SASH1: variants seen among roughly 807,000 people sequenced by gnomAD.
SASH1 encodes the protein SAM and SH3 domain-containing protein 1.
In SASH1, 44 loss-of-function variants were observed where a neutral mutation model predicts 125.2. That is an observed-to-expected ratio of 0.35 (90% CI 0.28 to 0.45). The LOEUF is 0.45. SASH1 is among the 20% of genes least tolerant of loss of function. SASH1 has a pLI of 1.00. For synonymous variants in SASH1, 639 were observed against 649.1 expected (o/e 0.98, Z 0.24); for missense variants, 1,426 against 1,614.5 (o/e 0.88, Z 2.00).
the SASH1 span, among the ~76,000 whole-genome samples, chr6:148,262,114 A>G: frequency 1.3e-5 from 2 of 151,890 alleles, no homozygotes; most frequent in Non-Finnish European, 2.9e-5. Context: ...ACACACACAC[A>G]CACACGCACG....
the SASH1 span, among the ~76,000 whole-genome samples, chr6:148,254,975 A>G: frequency 2.0e-5 from 3 of 152,242 alleles, no homozygotes; most frequent in African/African-American, 7.2e-5. Flanking sequence ...TAAATGATGA[A>G]TGGATAAACC....
intron 10 of SASH1, among the ~76,000 whole-genome samples, chr6:148,521,532 G>A (rs977047386): frequency 6.6e-6 from 1 of 152,172 alleles, no homozygotes; most frequent in African/African-American, 2.4e-5. Context: ...ATTTCCACAT[G>A]TTGACTTTCC....
chr6:148,195,156 C>T, the SASH1 span, among the ~76,000 whole-genome samples: 2 of 152,210 alleles, frequency 1.3e-5, no homozygotes, highest in South Asian at 2.1e-4. Context: ...ATTCTGGAAA[C>T]TCAATCATTT....
intron 1 of SASH1, among the ~76,000 whole-genome samples, chr6:148,365,410 A>ATG (rs1782409303): frequency 1.5e-5 from 2 of 133,288 alleles, no homozygotes; most frequent in African/African-American, 5.9e-5. Flanking sequence ...TTCTTTTACT[A>ATG]TCTTTTTTTT....
At chr6:148,321,167 A>G (rs1040825857) in intron 1 of SASH1, among the ~76,000 whole-genome samples, 2 of 152,196 alleles carry the variant, frequency 1.3e-5, no homozygotes, top group African/African-American at 4.8e-5. Context: ...CAAGGCAGGC[A>G]GATCACTTGA....
intron 2 of SASH1, among the ~76,000 whole-genome samples, chr6:148,430,672 G>T (rs1776023585): frequency 6.6e-6 from 1 of 152,204 alleles, no homozygotes. Flanking sequence ...CACAGAAGCA[G>T]TGAGTTTCTC....
chr6:148,457,261 T>C (rs1414859025), intron 4 of SASH1, among the ~76,000 whole-genome samples: 1 of 143,028 alleles, frequency 7.0e-6, no homozygotes, highest in Non-Finnish European at 1.5e-5. Flanking sequence ...AGCCGCAGAC[T>C]CCAGGGGCAG....
intron 1 of SASH1, among the ~76,000 whole-genome samples, chr6:148,377,211 C>T (rs9498021): frequency 1.7e-5 from 1 of 57,270 alleles, no homozygotes; most frequent in Non-Finnish European, 3.7e-5. Flanking sequence ...AAAAACAAAA[C>T]AAACAAACAA....
At chr6:148,198,861 G>C in the SASH1 span, among the ~76,000 whole-genome samples, 1 of 152,196 alleles carries the variant, frequency 6.6e-6, no homozygotes, top group Non-Finnish European at 1.5e-5. Context: ...AGAATCAAAA[G>C]ATGACAATTA....
intron 2 of SASH1, among the ~76,000 whole-genome samples, chr6:148,397,934 C>T (rs904014521): frequency 2.5e-4 from 38 of 152,206 alleles, no homozygotes; most frequent in African/African-American, 7.5e-4. Flanking sequence ...ATACTCTTAC[C>T]GTGCTGTGCA....
At chr6:148,431,763 G>A (rs112858444) in intron 2 of SASH1, among the ~76,000 whole-genome samples, 150 of 151,920 alleles carry the variant, frequency 9.9e-4, no homozygotes, top group Non-Finnish European at 4.7e-4. Context: ...TGGAGTCAAC[G>A]CTTGGACTCC....
intron 2 of SASH1, among the ~76,000 whole-genome samples, chr6:148,404,151 G>C (rs1784283305): frequency 6.6e-6 from 1 of 152,006 alleles, no homozygotes; most frequent in African/African-American, 2.4e-5. Context: ...TTACACTCTT[G>C]GGTTTTAAAA....
chr6:148,327,530 G>A (rs552014720), intron 1 of SASH1, among the ~76,000 whole-genome samples: 7 of 150,738 alleles, frequency 4.6e-5, no homozygotes, highest in Admixed American at 6.6e-5. Flanking sequence ...TGATCCACCC[G>A]CCTTGGCCTC....
intron 2 of SASH1, among the ~76,000 whole-genome samples, chr6:148,415,719 G>C (rs191504172): frequency 1.5e-4 from 23 of 152,150 alleles, no homozygotes; most frequent in African/African-American, 5.3e-4. Flanking sequence ...AAAGGTCACC[G>C]CAGAGCCATC....
chr6:148,492,625 C>A (rs1326671339), intron 8 of SASH1, among the ~76,000 whole-genome samples: 1 of 151,936 alleles, frequency 6.6e-6, no homozygotes, highest in African/African-American at 2.4e-5. Context: ...CAAGACCATC[C>A]AGGCCAACAT....
At chr6:148,472,810 T>C (rs1778178448) in intron 6 of SASH1, among the ~76,000 whole-genome samples, 1 of 152,202 alleles carries the variant, frequency 6.6e-6, no homozygotes, top group Admixed American at 6.5e-5. Context: ...ACAGGCAGAC[T>C]CTTTCCCTCT....
chr6:148,406,083 G>A (rs974920068), intron 2 of SASH1, among the ~76,000 whole-genome samples: 1 of 152,200 alleles, frequency 6.6e-6, no homozygotes, highest in Non-Finnish European at 1.5e-5. Flanking sequence ...GGGCAGGGCT[G>A]TAGAACAGGT....
At chr6:148,200,375 CTGCCTCCCACAGACAGCAG>C in the SASH1 span, among the ~76,000 whole-genome samples, 1 of 152,220 alleles carries the variant, frequency 6.6e-6, no homozygotes, top group Non-Finnish European at 1.5e-5. Flanking sequence ...CAAGGCTGCG[CTGCCTCCCACAGACAGCAG>C]TGCTGTGATC....
At chr6:148,313,787 C>T (rs1400270823) in intron 1 of SASH1, among the ~76,000 whole-genome samples, 3 of 152,234 alleles carry the variant, frequency 2.0e-5, no homozygotes, top group East Asian at 1.9e-4. Context: ...CTCCTTCTGG[C>T]GGAGAAGTGG....
Sources: gnomAD v4.1 joint callset for allele counts (sites outside exome capture counted in the v4.1 genomes callset) on GRCh38, gnomAD v4.1.1 for gene constraint, MANE v1.5 for transcripts, NCBI Gene and HGNC (gene_info 2026-07-23, HGNC 2026-07-21) for gene names.